ST18: variants seen among roughly 807,000 people sequenced by gnomAD.
The protein encoded by ST18 is suppression of tumorigenicity 18 protein.
In ST18, 50 loss-of-function variants were observed where a neutral mutation model predicts 110.0. That is an observed-to-expected ratio of 0.45 (90% CI 0.36 to 0.58). ST18 has a LOEUF of 0.58. ST18 is among the 20% of genes least tolerant of loss of function. The pLI, the probability that ST18 is intolerant of heterozygous loss-of-function variation, is 0.00. For synonymous variants in ST18, 461 were observed against 452.4 expected (o/e 1.02, Z -0.24); for missense variants, 1,306 against 1,280.1 (o/e 1.02, Z -0.31).
intron 2 of ST18, among the ~76,000 whole-genome samples, chr8:52,276,627 A>G (rs967101926): frequency 5.9e-5 from 9 of 152,010 alleles, no homozygotes; most frequent in Non-Finnish European, 1.0e-4. Context: ...TGCACCCCCA[A>G]TGCCACCACA....
chr8:52,363,278 T>G (rs1292748549), intron 2 of ST18, among the ~76,000 whole-genome samples: 1 of 152,224 alleles, frequency 6.6e-6, no homozygotes, highest in Non-Finnish European at 1.5e-5. Flanking sequence ...ATTCTGCCAT[T>G]TTTTGCTTCA....
chr8:52,383,885 C>A (rs1249944649), intron 2 of ST18, among the ~76,000 whole-genome samples: 2 of 152,154 alleles, frequency 1.3e-5, no homozygotes, highest in African/African-American at 4.8e-5. Flanking sequence ...GTAGCTGGGA[C>A]TATGAGCCTG....
chr8:52,307,124 A>G (rs1389297467), intron 2 of ST18, among the ~76,000 whole-genome samples: 1 of 151,980 alleles, frequency 6.6e-6, no homozygotes, highest in Admixed American at 6.6e-5. Context: ...TTCGAGACCA[A>G]CCTGGGCGGC....
chr8:52,390,065 G>A lies in ST18; in HGVS notation c.-465+19263C>T, dbSNP rs527378707. On this transcript the variant is annotated intron_variant, in intron 2 of 25. Transcript: ENST00000689386. ...GCTAGAGATGGGTACCGGGTGGCCA[G>A]TATGTGATTCTAGAAAGAGGAAACC... Among the ~76,000 whole-genome samples, 10 of 152,222 alleles carry A rather than the reference G, an allele frequency of 6.6e-5. No homozygotes were observed. The East Asian group carries it at 1.4e-3, about 21-fold the overall frequency.
chr8:52,407,441 A>G (rs1176347678), intron 2 of ST18: 2 of 131,478 alleles, frequency 1.5e-5, no homozygotes, highest in African/African-American at 5.1e-5. Context: ...TGAATTTGTG[A>G]TTTTTTCAAT....
At chr8:52,278,828 G>T (rs117664462) in intron 2 of ST18, among the ~76,000 whole-genome samples, 3,416 of 152,242 alleles carry the variant, frequency 0.022, 65 homozygotes, top group Non-Finnish European at 0.037. Context: ...CATGGCACTA[G>T]AATTCTCCTA....
chr8:52,259,611 C>A (rs2094623550), intron 2 of ST18, among the ~76,000 whole-genome samples: 2 of 152,144 alleles, frequency 1.3e-5, no homozygotes. Context: ...ATTATATTAG[C>A]AACAGTAATG....
intron 2 of ST18, among the ~76,000 whole-genome samples, chr8:52,314,588 C>T (rs1160616146): frequency 6.6e-6 from 1 of 152,140 alleles, no homozygotes; most frequent in Non-Finnish European, 1.5e-5. Context: ...GACTTATAGC[C>T]CAGCTTTCTC....
intron 2 of ST18, among the ~76,000 whole-genome samples, chr8:52,390,005 C>T (rs1838746911): frequency 6.6e-6 from 1 of 152,104 alleles, no homozygotes; most frequent in Non-Finnish European, 1.5e-5. Flanking sequence ...TACCACTTTC[C>T]TCTCTTGTCC....
chr8:52,238,137 T>C lies in ST18; in HGVS notation c.-464-8060A>G, dbSNP rs2092935201. ...TAGAAATGTAAAATGTTCAGCAACA[T>C]TGAAAAATAGCTGGCAATTTCTCAA... On this transcript the variant is annotated intron_variant, in intron 2 of 25. Coordinates refer to ENST00000689386, the MANE Select transcript of ST18 (RefSeq NM_001352837.2). Among the ~76,000 whole-genome samples the C allele has an allele frequency of 2.0e-5, 3 of 152,216 alleles. No individual in the cohort carries two copies. In the South Asian group the frequency reaches 6.2e-4, roughly 31 times the overall value.
chr8:52,292,149 A>G (rs993748363), intron 2 of ST18, among the ~76,000 whole-genome samples: 7 of 152,246 alleles, frequency 4.6e-5, no homozygotes, highest in Non-Finnish European at 8.8e-5. Flanking sequence ...CAAAGCAGAC[A>G]TATGCTCACT....
At chr8:52,375,414 T>C (rs977706614) in intron 2 of ST18, among the ~76,000 whole-genome samples, 8 of 152,092 alleles carry the variant, frequency 5.3e-5, no homozygotes, top group African/African-American at 1.9e-4. Flanking sequence ...TCCAAGGACC[T>C]ATTCTCAGGC....
chr8:52,145,825 G>A (rs1455071358), intron 16 of ST18, among the ~76,000 whole-genome samples: 3 of 152,132 alleles, frequency 2.0e-5, no homozygotes, highest in Non-Finnish European at 4.4e-5. Flanking sequence ...AACATTTTAA[G>A]CCCTGAAATC....
chr8:52,367,479 G>C (rs1247267749), intron 2 of ST18, among the ~76,000 whole-genome samples: 1 of 152,052 alleles, frequency 6.6e-6, no homozygotes, highest in Non-Finnish European at 1.5e-5. Context: ...TAAATACTAA[G>C]AAATTGGAAT....
At chr8:52,154,939 C>A (rs1466864057) in intron 15 of ST18, 1 of 151,298 alleles carries the variant, frequency 6.6e-6, no homozygotes, top group Non-Finnish European at 1.5e-5. Flanking sequence ...TTGTGGCTCA[C>A]ACCTGTAATC....
At chr8:52,337,957 A>T (rs1812909480) in intron 2 of ST18, among the ~76,000 whole-genome samples, 1 of 152,252 alleles carries the variant, frequency 6.6e-6, no homozygotes, top group East Asian at 1.9e-4. Context: ...TGGTGACAAT[A>T]TCTACCAGTT....
At chr8:52,140,533 AGATAGAT>A (rs1202800880) in intron 17 of ST18, among the ~76,000 whole-genome samples, 1 of 146,780 alleles carries the variant, frequency 6.8e-6, no homozygotes, top group African/African-American at 2.5e-5. Context: ...CAAAATAAAT[AGATAGAT>A]GATAGATGAT....
At chr8:52,268,531 C>CA (rs1352590180) in intron 2 of ST18, among the ~76,000 whole-genome samples, 3 of 150,984 alleles carry the variant, frequency 2.0e-5, no homozygotes, top group Non-Finnish European at 3.0e-5. Flanking sequence ...ATCTTACTAT[C>CA]TATCATCTAT....
intron 2 of ST18, among the ~76,000 whole-genome samples, chr8:52,307,623 T>A (rs534366258): frequency 6.6e-6 from 1 of 152,206 alleles, no homozygotes; most frequent in Non-Finnish European, 1.5e-5. Flanking sequence ...AAAAATCATC[T>A]CTTATCTTAG....
Sources: allele counts gnomAD v4.1 joint callset (sites outside exome capture counted in the v4.1 genomes callset), GRCh38; gene constraint gnomAD v4.1.1; transcripts MANE v1.5; gene names NCBI Gene and HGNC (gene_info 2026-07-23, HGNC 2026-07-21).